QSOX2: variants seen among roughly 807,000 people sequenced by gnomAD.
QSOX2 encodes quiescin sulfhydryl oxidase 2, also known as sulfhydryl oxidase 2.
A neutral mutation model predicts 61.7 loss-of-function variants in QSOX2; 46 were observed. That is an observed-to-expected ratio of 0.75 (90% CI 0.59 to 0.95). The LOEUF is 0.95. Among genes scored for constraint, QSOX2 ranks in the 40% least tolerant of loss-of-function variants. The pLI, the probability that QSOX2 is intolerant of heterozygous loss-of-function variation, is 0.00. For synonymous variants in QSOX2, 383 were observed against 388.4 expected (o/e 0.99, Z 0.16); for missense variants, 879 against 918.9 (o/e 0.96, Z 0.56).
In QSOX2 at chr9:136,208,596, A is replaced by G. The variant is rs1002245019; in HGVS notation, c.*132T>C. 2 of 1,075,480 alleles carry G rather than the reference A, an allele frequency of 1.9e-6. No homozygotes were observed. The highest frequency in any genetic ancestry group is 3.2e-4 in the Middle Eastern group (1 of 3,170). 66.6% of individuals were successfully genotyped at this position (1,075,480 alleles called of 1,614,324 possible). On this transcript the variant is annotated 3_prime_UTR_variant, in exon 12 of 12. Transcript: ENST00000358701. ...TGTAAAACCAGGACTTTGAAGCCAA[A>G]AGGTGCCATCCGATGTGAAACCAGG...
At chr9:136,230,458 G>C (rs1350309724) in intron 1 of QSOX2, among the ~76,000 whole-genome samples, 1 of 152,162 alleles carries the variant, frequency 6.6e-6, no homozygotes, top group African/African-American at 2.4e-5. Context: ...GGCATGATCC[G>C]ACCCAGGCCT....
intron 10 of QSOX2, among the ~76,000 whole-genome samples, chr9:136,212,093 TAACA>T (rs1203920347): frequency 1.3e-5 from 2 of 152,120 alleles, no homozygotes; most frequent in Non-Finnish European, 2.9e-5. Context: ...CCGAACGTAT[TAACA>T]GACATGGACA....
intron 10 of QSOX2, 75 bp from the exon 11 acceptor site, chr9:136,211,527 TG>T (rs1049382640): frequency 2.0e-6 from 3 of 1,506,656 alleles, no homozygotes; most frequent in Middle Eastern, 1.8e-4. Flanking sequence ...CCAGAGAGCC[TG>T]GGGGGAAACC....
Position 136,236,150 on chromosome 9 carries a change from G to C in QSOX2, c.329-9276C>G, listed in dbSNP as rs369434650. On this transcript the variant is annotated intron_variant, in intron 1 of 11. Transcript: ENST00000358701. ...CCACCACCTCCACTCAGCTGTCCCA[G>C]GCATCGTCACAACGCTCCTGACCCT... Among the ~76,000 whole-genome samples the C allele has an allele frequency of 4.6e-5, 7 of 152,250 alleles. No individual in the cohort carries two copies. In the East Asian group the frequency reaches 1.4e-3, roughly 29 times the overall value.
chr9:136,236,946 C>G (rs1830388910), intron 1 of QSOX2, among the ~76,000 whole-genome samples: 1 of 147,164 alleles, frequency 6.8e-6, no homozygotes, highest in Non-Finnish European at 1.5e-5. Context: ...GCCTGCATCA[C>G]CTGGTGCCCG....
intron 1 of QSOX2, among the ~76,000 whole-genome samples, chr9:136,229,411 G>A (rs753571847): frequency 3.3e-5 from 5 of 152,268 alleles, no homozygotes; most frequent in Admixed American, 2.0e-4. Context: ...GCATCCTGGC[G>A]AAGTGTCTCA....
intron 1 of QSOX2, among the ~76,000 whole-genome samples, chr9:136,241,644 C>T (rs1023675013): frequency 2.0e-5 from 3 of 152,202 alleles, no homozygotes; most frequent in African/African-American, 2.4e-5. Flanking sequence ...GCTGCGTGAC[C>T]GTGACTATCC....
chr9:136,218,075 G>T (rs1831934725), intron 8 of QSOX2, among the ~76,000 whole-genome samples: 1 of 152,212 alleles, frequency 6.6e-6, no homozygotes, highest in Non-Finnish European at 1.5e-5. Context: ...CGAGCTCATG[G>T]AGTTACACCT....
At position 136,215,653 on chromosome 9, in the gene QSOX2, C is replaced by T. The variant is rs1267462735; in HGVS notation, c.1210-349G>A. Among the ~76,000 whole-genome samples, 7 of 152,164 alleles carry T rather than the reference C, an allele frequency of 4.6e-5. No homozygotes were observed. The East Asian group carries it at 1.2e-3, about 25-fold the overall frequency. ...AGGACAGTATTAAGAGAAAAGGCAA[C>T]TAACAACAGAAAAAAGCTCAACTGT... On this transcript the variant is annotated intron_variant, in intron 9 of 11. Transcript: ENST00000358701.
intron 1 of QSOX2, among the ~76,000 whole-genome samples, chr9:136,228,546 C>T (rs961759355): frequency 9.2e-5 from 14 of 152,212 alleles, no homozygotes; most frequent in Non-Finnish European, 1.9e-4. Context: ...GAGGGGACAG[C>T]CTAAAGGGGC....
chr9:136,245,345 G>T, intron 1 of QSOX2, 131 bp downstream of exon 1: 2 of 763,296 alleles, frequency 2.6e-6, no homozygotes, highest in South Asian at 1.8e-5. Flanking sequence ...GTGGGGCAGG[G>T]ACTGGCTCTG....
intron 1 of QSOX2, among the ~76,000 whole-genome samples, chr9:136,237,655 AGCCCGTCCTGGGCCTGCATCACCTGGT>A (rs1830399364): frequency 6.9e-6 from 1 of 144,478 alleles, no homozygotes. Flanking sequence ...CCATACCTGG[AGCCCGTCCTGGGCCTGCATCACCTGGT>A]GCCCGTCCTG....
chr9:136,234,488 A>G (rs1263261432), intron 1 of QSOX2, among the ~76,000 whole-genome samples: 2 of 152,186 alleles, frequency 1.3e-5, no homozygotes, highest in Admixed American at 6.5e-5. Context: ...TTTCCAGCTC[A>G]GCGTTGACAA....
chr9:136,215,431 C>T (rs914305040), intron 9 of QSOX2, 127 bp from the exon 10 acceptor site: 22 of 873,908 alleles, frequency 2.5e-5, no homozygotes, highest in Middle Eastern at 5.8e-4. Flanking sequence ...GAAGCTGTAT[C>T]AACTGTACAC....
At chr9:136,224,589 T>G (rs1420863389) in intron 3 of QSOX2, among the ~76,000 whole-genome samples, 2 of 152,248 alleles carry the variant, frequency 1.3e-5, no homozygotes, top group Non-Finnish European at 2.9e-5. Context: ...TGGGTACATG[T>G]GATCTGTGCA....
chr9:136,242,459 T>TG (rs1412295340), intron 1 of QSOX2, among the ~76,000 whole-genome samples: 5 of 152,258 alleles, frequency 3.3e-5, no homozygotes, highest in African/African-American at 1.2e-4. Context: ...CCATGGCCTG[T>TG]GTGCCCCCAG....
intron 1 of QSOX2, among the ~76,000 whole-genome samples, chr9:136,231,514 T>C (rs142215539): frequency 1.6e-3 from 249 of 152,358 alleles, no homozygotes; most frequent in Non-Finnish European, 3.1e-3. Context: ...GTCTCTCCAC[T>C]AGACCAGAGG....
chr9:136,209,547 G>A lies in QSOX2; in HGVS notation c.1550-272C>T, dbSNP rs993869675. 2.9e-5 allele frequency: 29 copies of A among 985,208 alleles called. No individual in the cohort carries two copies. In the African/African-American group the frequency reaches 4.4e-4, roughly 15 times the overall value. The allele number at this position is 985,208 out of a possible 1,614,324, so 61.0% of individuals were successfully genotyped here. A position where few individuals can be genotyped will look rare whatever the true frequency, so the allele number is the denominator to read the frequency against. Reference sequence around the variant, plus strand: ...AGGAGACGCTACACGCTCGGCCTCCGCCACTTCCCAGACCACACCTGTCCC... The same window carrying A: ...AGGAGACGCTACACGCTCGGCCTCCACCACTTCCCAGACCACACCTGTCCC... On this transcript the variant is annotated intron_variant, in intron 11 of 11. Coordinates refer to ENST00000358701, the MANE Select transcript of QSOX2 (RefSeq NM_181701.4). This position sits in a 1 kb window ranked among gnomAD's most constrained non-coding sequence, Gnocchi z 5.6.
At chr9:136,232,140 T>A (rs1830337381) in intron 1 of QSOX2, among the ~76,000 whole-genome samples, 1 of 152,146 alleles carries the variant, frequency 6.6e-6, no homozygotes, top group African/African-American at 2.4e-5. Context: ...TCATCCACGT[T>A]ATAAGGAAAT....
Sources: allele counts gnomAD v4.1 joint callset (sites outside exome capture counted in the v4.1 genomes callset), GRCh38; gene constraint gnomAD v4.1.1; non-coding constraint Gnocchi (gnomAD v3.1); transcripts MANE v1.5; gene names NCBI Gene and HGNC (gene_info 2026-07-23, HGNC 2026-07-21).